The following ACTR3C variants were observed in gnomAD, a reference collection of about 807,000 sequenced individuals.
ACTR3C encodes actin related protein 3C.
ACTR3C carries 18 observed loss-of-function variants against 26.3 expected under a neutral mutation model. That is an observed-to-expected ratio of 0.68 (90% confidence interval 0.47 to 1.01). The LOEUF is 1.01. ACTR3C is among the 50% of genes least tolerant of loss of function. The probability of loss-of-function intolerance (pLI) is 0.00; values close to 1 mark genes in which losing one functional copy is unlikely to be tolerated. For missense variants in ACTR3C, 184 were observed against 250.7 expected (o/e 0.73, Z 1.80); for synonymous variants, 55 against 94.5 (o/e 0.58, Z 2.42).
At chr7:149,978,270 A>G in the ACTR3C span, among the ~76,000 whole-genome samples, 2 of 152,042 alleles carry the variant, frequency 1.3e-5, no homozygotes, top group Non-Finnish European at 2.9e-5. Flanking sequence ...TTTCCCTTTC[A>G]TTCAGGGCAG....
downstream of ACTR3C, chr7:150,246,499 A>C (rs954982647): frequency 2.0e-5 from 3 of 152,210 alleles, no homozygotes; most frequent in Non-Finnish European, 4.4e-5. Context: ...ATTGATTTGC[A>C]ATGGTGAACT....
At chr7:149,914,453 C>G in the ACTR3C span, among the ~76,000 whole-genome samples, 1 of 151,744 alleles carries the variant, frequency 6.6e-6, no homozygotes, top group Non-Finnish European at 1.5e-5. Flanking sequence ...ATTAGCTGGG[C>G]ATGGTGGCAC....
chr7:149,929,302 C>T, the ACTR3C span, among the ~76,000 whole-genome samples: 1 of 151,592 alleles, frequency 6.6e-6, no homozygotes, highest in East Asian at 2.0e-4. Flanking sequence ...GTGGCTCATG[C>T]CTGTAATCCC....
chr7:150,004,236 G>C, the ACTR3C span, among the ~76,000 whole-genome samples: 2 of 151,620 alleles, frequency 1.3e-5, no homozygotes, highest in Non-Finnish European at 2.9e-5. Flanking sequence ...GGTATGTGGG[G>C]TGTGTATTAT....
At chr7:150,036,694 C>T in the ACTR3C span, among the ~76,000 whole-genome samples, 3 of 138,762 alleles carry the variant, frequency 2.2e-5, no homozygotes, top group African/African-American at 7.6e-5. Context: ...AAATAACCTG[C>T]TTTCTTTCTG....
the ACTR3C span, among the ~76,000 whole-genome samples, chr7:149,955,842 TA>T: frequency 6.6e-6 from 1 of 152,086 alleles, no homozygotes; most frequent in Non-Finnish European, 1.5e-5. Context: ...ACCCAGCAGG[TA>T]AGCAGACTCA....
the ACTR3C span, among the ~76,000 whole-genome samples, chr7:149,983,449 G>GTGTGTGTGTGTGTATATATATATA: frequency 3.9e-4 from 9 of 23,286 alleles, no homozygotes; most frequent in African/African-American, 1.2e-3. Context: ...GTGTGTGTGT[G>GTGTGTGTGTGTGTATATATATATA]TATATATATA....
the ACTR3C span, among the ~76,000 whole-genome samples, chr7:149,972,150 C>A: frequency 6.6e-6 from 1 of 152,238 alleles, no homozygotes. Context: ...ACCGGCCCTG[C>A]ACACTTACCC....
chr7:150,230,457 C>T, the ACTR3C span, among the ~76,000 whole-genome samples: 1 of 152,134 alleles, frequency 6.6e-6, no homozygotes, highest in Non-Finnish European at 1.5e-5. Context: ...AATCCATGGC[C>T]TGTTAGTAAA....
At chr7:149,901,974 G>GA in the ACTR3C span, among the ~76,000 whole-genome samples, 265 of 126,892 alleles carry the variant, frequency 2.1e-3, 3 homozygotes, top group South Asian at 0.045. Flanking sequence ...CTCTGCAGTT[G>GA]AAAAAAAATG....
At chr7:150,028,197 C>T in the ACTR3C span, among the ~76,000 whole-genome samples, 2 of 152,282 alleles carry the variant, frequency 1.3e-5, no homozygotes, top group African/African-American at 2.4e-5. Flanking sequence ...GGGACTCTCT[C>T]TTGACCCAGC....
At chr7:150,305,079 G>A (rs1159425661) in intron 1 of ACTR3C, among the ~76,000 whole-genome samples, 2 of 152,056 alleles carry the variant, frequency 1.3e-5, no homozygotes, top group Non-Finnish European at 2.9e-5. Context: ...TGGACTGAGG[G>A]CAACCTAACA....
At chr7:150,188,927 C>G in the ACTR3C span, among the ~76,000 whole-genome samples, 1 of 147,298 alleles carries the variant, frequency 6.8e-6, no homozygotes, top group African/African-American at 2.6e-5. Context: ...CAACTATACA[C>G]ACAAATTTAG....
chr7:150,198,979 T>TG, the ACTR3C span, among the ~76,000 whole-genome samples: 678 of 79,724 alleles, frequency 8.5e-3, 7 homozygotes, highest in African/African-American at 0.03. Flanking sequence ...GGGAGGGAGG[T>TG]GGGGGGGGTC....
the ACTR3C span, among the ~76,000 whole-genome samples, chr7:150,142,411 C>T: frequency 2.0e-5 from 3 of 152,196 alleles, no homozygotes; most frequent in Non-Finnish European, 4.4e-5. Context: ...GATGACAAAG[C>T]CCACTTACAA....
At chr7:150,234,372 G>A in the ACTR3C span, among the ~76,000 whole-genome samples, 1 of 152,158 alleles carries the variant, frequency 6.6e-6, no homozygotes, top group Non-Finnish European at 1.5e-5. Flanking sequence ...TCACTGGAGG[G>A]TAGGTCTTTG....
chr7:150,199,569 C>T, the ACTR3C span, among the ~76,000 whole-genome samples: 8 of 119,780 alleles, frequency 6.7e-5, no homozygotes, highest in Non-Finnish European at 1.2e-4. Context: ...CCTGCCAAAT[C>T]CCCCTCTGTG....
chr7:150,229,608 C>T, the ACTR3C span, among the ~76,000 whole-genome samples: 2 of 151,922 alleles, frequency 1.3e-5, no homozygotes, highest in Admixed American at 1.3e-4. Flanking sequence ...ACTCAGCCTC[C>T]TGAGTAGCTG....
chr7:150,243,983 G>C (rs1185242557), downstream of ACTR3C: 2 of 151,738 alleles, frequency 1.3e-5, no homozygotes, highest in Admixed American at 1.3e-4. Context: ...GCCTACCTCT[G>C]AGTGTAGGAC....
Sources: allele counts gnomAD v4.1 joint callset (sites outside exome capture counted in the v4.1 genomes callset), GRCh38; gene constraint gnomAD v4.1.1; transcripts MANE v1.5; gene names NCBI Gene and HGNC (gene_info 2026-07-23, HGNC 2026-07-21).